Variants in SETD5 observed in about 807,000 individuals in gnomAD.
SETD5 encodes histone-lysine N-methyltransferase SETD5.
A neutral mutation model predicts 153.3 loss-of-function variants in SETD5; 44 were observed. The observed-to-expected ratio is 0.29, with a 90% CI of 0.23 to 0.37. The LOEUF is 0.37. Ranked by LOEUF, SETD5 falls within the 10% of genes least tolerant of loss-of-function variation. The pLI, the probability that SETD5 is intolerant of heterozygous loss-of-function variation, is 1.00. For missense variants in SETD5, 1,544 were observed against 1,768.0 expected (o/e 0.87, Z 2.27); for synonymous variants, 716 against 645.2 (o/e 1.11, Z -1.66).
Position 9,410,873 on chromosome 3 carries a change from TTC to T in SETD5, c.-177+12900_-177+12901del, listed in dbSNP as rs545413526. 1.2e-3 allele frequency among the ~76,000 whole-genome samples: 165 copies of T among 139,306 alleles called. 1 individual carries two copies. Among genetic ancestry groups the T allele is most frequent in the African/African-American group, 4.7e-3 (158 of 33,270 alleles). 91.4% of individuals were successfully genotyped at this position (139,306 alleles called of 152,430 possible). ...GATAAGAAACTTTCTCCAGTAAAAA[TTC>T]TCTTTTTTTTTTTCTTTTTTTTCTT... is the stretch of plus-strand genomic sequence containing the variant. On this transcript the variant is annotated intron_variant, in intron 1 of 22. Coordinates refer to ENST00000402198, the MANE Select transcript of SETD5 (RefSeq NM_001080517.3).
At chr3:9,405,165 G>A (rs568227641) in intron 1 of SETD5, among the ~76,000 whole-genome samples, 2 of 152,234 alleles carry the variant, frequency 1.3e-5, no homozygotes, top group Admixed American at 6.5e-5. Context: ...AACCATTTCA[G>A]ATTCTCAGCC....
intron 22 of SETD5, 63 bp downstream of exon 22, chr3:9,475,219 G>C: frequency 6.9e-7 from 1 of 1,453,436 alleles, no homozygotes; most frequent in Non-Finnish European, 9.4e-7. Context: ...AATTGTCCTG[G>C]TCATCCTTTG....
intron 20 of SETD5, among the ~76,000 whole-genome samples, chr3:9,474,171 A>G (rs982764880): frequency 2.0e-5 from 3 of 152,340 alleles, no homozygotes; most frequent in African/African-American, 4.8e-5. Context: ...ATGATTTCCT[A>G]AAGGAGAAAT....
At chr3:9,439,649 T>G (rs2041027956) in intron 7 of SETD5, among the ~76,000 whole-genome samples, 1 of 152,216 alleles carries the variant, frequency 6.6e-6, no homozygotes, top group Non-Finnish European at 1.5e-5. Context: ...AGGCACTGTC[T>G]GCCTAGGAAG....
chr3:9,440,806 A>G, intron 8 of SETD5, 108 bp downstream of exon 8: 1 of 1,360,144 alleles, frequency 7.4e-7, no homozygotes, highest in Non-Finnish European at 9.8e-7. Context: ...AAGGCCATGG[A>G]ATAACAGATT....
chr3:9,421,794 A>G (rs1374275372), intron 1 of SETD5, among the ~76,000 whole-genome samples: 2 of 152,138 alleles, frequency 1.3e-5, no homozygotes, highest in Non-Finnish European at 2.9e-5. Context: ...TGACCTATTA[A>G]AGATTTTTTT....
At chr3:9,428,729 G>A (rs1190718862) in intron 2 of SETD5, 94 bp from the exon 3 acceptor site, 2 of 367,092 alleles carry the variant, frequency 5.4e-6, no homozygotes, top group Admixed American at 4.3e-5. Flanking sequence ...ATTCAAGAAT[G>A]CAGAAAAATA....
intron 18 of SETD5, among the ~76,000 whole-genome samples, chr3:9,467,621 CAG>C: frequency 6.6e-6 from 1 of 152,266 alleles, no homozygotes; most frequent in South Asian, 2.1e-4. Flanking sequence ...CACAGTTATT[CAG>C]AGTCTACATT....
At chr3:9,419,809 C>T (rs1381765123) in intron 1 of SETD5, among the ~76,000 whole-genome samples, 5 of 152,126 alleles carry the variant, frequency 3.3e-5, no homozygotes, top group South Asian at 2.1e-4. Flanking sequence ...ATTAATGGCT[C>T]ATAAATGTGC....
intron 1 of SETD5, among the ~76,000 whole-genome samples, chr3:9,418,725 C>A (rs1357888964): frequency 6.6e-6 from 1 of 151,606 alleles, no homozygotes; most frequent in Non-Finnish European, 1.5e-5. Flanking sequence ...ATTGCTTGAA[C>A]CCGGGAGGTG....
rs1049415534 is a variant in SETD5 at position 9,464,140 on chromosome 3, A to C, written c.2477-285A>C. Among the ~76,000 whole-genome samples, 6 of 152,204 alleles carry C rather than the reference A, an allele frequency of 3.9e-5. No individual in the cohort carries two copies. The South Asian group carries it at 1.2e-3, about 31-fold the overall frequency. ...AAGGCTCTGTCTCATAAATAAATAA[A>C]TGAATAAATGAAAGAATTTTATATT... On this transcript the variant is annotated intron_variant, in intron 17 of 22. Transcript: ENST00000402198.
In SETD5 at chr3:9,442,261, C is replaced by T. The variant is rs1004792090; in HGVS notation, c.1077+16C>T. On this transcript the variant is annotated intron_variant, in intron 10 of 22. Transcript: ENST00000402198. ...AAATGCAGAGGTAAGATATCTGTAG[C>T]AACTTCCCTTTGACTGGAACCATCA... 6.5e-6 allele frequency: 10 copies of T among 1,544,980 alleles called. No individual in the cohort carries two copies. Among genetic ancestry groups the T allele is most frequent in the African/African-American group, 1.4e-5 (1 of 73,632 alleles).
rs757012600 is a variant in SETD5 at position 9,447,748 on chromosome 3, G to A, written c.1845G>A (p.Pro615=). The A allele has an allele frequency of 1.2e-4, 188 of 1,613,860 alleles. 1 individual carries two copies. Among genetic ancestry groups the A allele is most frequent in the Non-Finnish European group, 1.4e-4 (168 of 1,179,898 alleles). Residue 615 remains proline, a synonymous_variant, in exon 15 of 23, where the codon CCG becomes CCA. Transcript: ENST00000402198. ...PPPAKPSRPR[P]KSRISRYRTS... The stretch of plus-strand genomic sequence containing the variant: ...CAGCAAAGCCTTCTAGGCCCCGGCC[G>A]AAGAGTCGAATTTCTCGGTACAGGA...
At chr3:9,432,613 CTT>C (rs1356772232) in intron 3 of SETD5, among the ~76,000 whole-genome samples, 2 of 152,108 alleles carry the variant, frequency 1.3e-5, no homozygotes, top group Admixed American at 6.6e-5. Context: ...GCCATACAAA[CTT>C]TATATTTTTG....
At position 9,446,986 on chromosome 3, in the gene SETD5, T is replaced by C. The variant is rs995046099; in HGVS notation, c.1525-64T>C. 35 of 1,193,158 alleles carry C rather than the reference T, an allele frequency of 2.9e-5. No homozygotes were observed. In the East Asian group the frequency reaches 5.3e-4, roughly 18 times the overall value. The allele number at this position is 1,193,158 out of a possible 1,614,324, so 73.9% of individuals were successfully genotyped here. ...TGTAAATTTCCATTAAAAATACTTT[T>C]ATAAAAGCTATCCACTCGTCCTCAT... On this transcript the variant is annotated intron_variant, in intron 13 of 22. Coordinates refer to ENST00000402198, the MANE Select transcript of SETD5 (RefSeq NM_001080517.3).
At chr3:9,413,649 GGTGTGTGTGTGTGTGTGTGTGTGT>G (rs1160123997) in intron 1 of SETD5, among the ~76,000 whole-genome samples, 5 of 140,366 alleles carry the variant, frequency 3.6e-5, no homozygotes, top group Non-Finnish European at 6.2e-5. Flanking sequence ...GGGGAGGCGG[GGTGTGTGTGTGTGTGTGTGTGTGT>G]GTGTGTGTGT....
chr3:9,409,599 C>A (rs62246301), intron 1 of SETD5, among the ~76,000 whole-genome samples: 1 of 151,896 alleles, frequency 6.6e-6, no homozygotes, highest in South Asian at 2.1e-4. Context: ...TTTTTTGCCC[C>A]AAACCTGGAA....
intron 11 of SETD5, among the ~76,000 whole-genome samples, chr3:9,444,070 G>A (rs1007027128): frequency 6.6e-5 from 10 of 152,028 alleles, no homozygotes; most frequent in Middle Eastern, 3.2e-3. Context: ...TAAAAAAAAA[G>A]AGAGAGAATT....
intron 1 of SETD5, among the ~76,000 whole-genome samples, chr3:9,413,486 C>T (rs887492998): frequency 1.3e-5 from 2 of 152,054 alleles, no homozygotes; most frequent in Admixed American, 1.3e-4. Context: ...TATTGCTGCC[C>T]ATCTGTAGTT....
Sources: allele counts gnomAD v4.1 joint callset (sites outside exome capture counted in the v4.1 genomes callset), GRCh38; gene constraint gnomAD v4.1.1; transcripts MANE v1.5; gene names NCBI Gene and HGNC (gene_info 2026-07-23, HGNC 2026-07-21).